The following NRXN3 variants were observed in gnomAD, a reference collection of about 807,000 sequenced individuals.
NRXN3 encodes the protein neurexin III.
Under a neutral mutation model 137.6 loss-of-function variants are expected in NRXN3, and 32 were observed. That is an observed-to-expected ratio of 0.23 (90% CI 0.18 to 0.31). The LOEUF (loss-of-function observed/expected upper bound fraction) is 0.31, where lower values mean the gene tolerates loss of function less well. NRXN3 is among the 10% of genes least tolerant of loss of function. The pLI, the probability that NRXN3 is intolerant of heterozygous loss-of-function variation, is 1.00. For missense variants in NRXN3, 1,574 were observed against 2,062.5 expected, an observed-to-expected ratio of 0.76 and a Z score of 4.59; for synonymous variants, 798 against 784.5, an observed-to-expected ratio of 1.02 and a Z score of -0.29.
In NRXN3 at chr14:79,356,987, C is replaced by A. The variant is rs149632499; in HGVS notation, c.3263-110234C>A. ...AAGTGATCTGCCCACCTCGTCCTCCCAAAGTGCTGGGATTAGAGACGTGAG... is the reference window on the plus strand; with the variant it reads ...AAGTGATCTGCCCACCTCGTCCTCCAAAAGTGCTGGGATTAGAGACGTGAG... On this transcript the variant is annotated intron_variant, in intron 15 of 20. Coordinates refer to ENST00000335750, the MANE Select transcript of NRXN3 (RefSeq NM_001330195.2). 9.4e-3 allele frequency among the ~76,000 whole-genome samples: 1,433 copies of A among 152,288 alleles called. 20 individuals are homozygous for A. The highest frequency in any genetic ancestry group is 0.033 in the African/African-American group (1,355 of 41,548).
At chr14:79,449,755 C>A (rs368015181) in intron 15 of NRXN3, among the ~76,000 whole-genome samples, 2 of 151,970 alleles carry the variant, frequency 1.3e-5, no homozygotes, top group African/African-American at 4.8e-5. Context: ...TCTGGGAGGC[C>A]GAGGCGGGCG....
intron 4 of NRXN3, among the ~76,000 whole-genome samples, chr14:78,570,638 A>C (rs1319896269): frequency 6.6e-6 from 1 of 152,186 alleles, no homozygotes; most frequent in Non-Finnish European, 1.5e-5. Context: ...ATCCTGGCAA[A>C]AGGAGACAGT....
At chr14:78,391,678 A>G (rs911126895) in intron 4 of NRXN3, among the ~76,000 whole-genome samples, 1 of 152,192 alleles carries the variant, frequency 6.6e-6, no homozygotes, top group African/African-American at 2.4e-5. Context: ...AAAAGTTGCT[A>G]ATATGTGCAC....
At chr14:78,926,664 A>G (rs1201323687) in intron 10 of NRXN3, among the ~76,000 whole-genome samples, 1 of 98,642 alleles carries the variant, frequency 1.0e-5, no homozygotes, top group African/African-American at 3.9e-5. Flanking sequence ...TATATTTATT[A>G]TATATATAAT....
intron 1 of NRXN3, among the ~76,000 whole-genome samples, chr14:78,206,745 G>A (rs918631749): frequency 6.6e-6 from 1 of 152,310 alleles, no homozygotes; most frequent in South Asian, 2.1e-4. Context: ...TGGCAGGGAT[G>A]TTGGAGATTA....
intron 15 of NRXN3, among the ~76,000 whole-genome samples, chr14:79,191,510 A>G (rs2064308776): frequency 6.6e-6 from 1 of 152,198 alleles, no homozygotes; most frequent in Non-Finnish European, 1.5e-5. Flanking sequence ...CTATGTTCCC[A>G]CTTACATTGG....
chr14:78,517,993 G>A (rs1008503897), intron 4 of NRXN3, among the ~76,000 whole-genome samples: 6 of 152,114 alleles, frequency 3.9e-5, no homozygotes, highest in African/African-American at 1.4e-4. Context: ...GGGAGGTTAA[G>A]TATGTCTTAG....
chr14:79,731,012 C>G (rs967847390), intron 19 of NRXN3, among the ~76,000 whole-genome samples: 1 of 152,156 alleles, frequency 6.6e-6, no homozygotes, highest in South Asian at 2.1e-4. Context: ...TGGAAAAAAC[C>G]TACAACTCAG....
At chr14:79,151,222 C>G (rs898409417) in intron 15 of NRXN3, among the ~76,000 whole-genome samples, 9 of 151,990 alleles carry the variant, frequency 5.9e-5, no homozygotes, top group South Asian at 2.1e-4. Flanking sequence ...TACCATTTTG[C>G]CTTTGGTGGG....
chr14:78,780,369 G>A (rs546264810), intron 8 of NRXN3, among the ~76,000 whole-genome samples: 7 of 151,900 alleles, frequency 4.6e-5, no homozygotes, highest in African/African-American at 1.7e-4. Flanking sequence ...GAAAATAATG[G>A]TGATTAGCTT....
intron 8 of NRXN3, among the ~76,000 whole-genome samples, chr14:78,724,777 A>C (rs1056921299): frequency 4.6e-5 from 7 of 152,188 alleles, no homozygotes; most frequent in Non-Finnish European, 1.0e-4. Context: ...GAGGGAGGAA[A>C]TGTGGAGGGA....
chr14:78,532,981 T>C (rs2096488896), intron 4 of NRXN3, among the ~76,000 whole-genome samples: 1 of 151,990 alleles, frequency 6.6e-6, no homozygotes, highest in Admixed American at 6.6e-5. Flanking sequence ...CCTCAACAGC[T>C]CTCAATTTCC....
intron 4 of NRXN3, among the ~76,000 whole-genome samples, chr14:78,354,364 A>G (rs1317883348): frequency 1.3e-5 from 2 of 152,172 alleles, no homozygotes; most frequent in Admixed American, 1.3e-4. Context: ...TGTGGTTGCC[A>G]CACTTCCTTT....
intron 10 of NRXN3, among the ~76,000 whole-genome samples, chr14:78,932,159 A>T (rs182655589): frequency 1.4e-3 from 214 of 152,172 alleles, no homozygotes; most frequent in African/African-American, 4.6e-3. Context: ...TAATTAATTA[A>T]TTAATTTTTT....
chr14:79,401,998 C>T (rs1403126790), intron 15 of NRXN3, among the ~76,000 whole-genome samples: 1 of 152,126 alleles, frequency 6.6e-6, no homozygotes, highest in Non-Finnish European at 1.5e-5. Context: ...CTCACTGAAG[C>T]TTCGAATTCC....
At chr14:78,282,952 A>C (rs1181139996) in intron 3 of NRXN3, 4 of 152,166 alleles carry the variant, frequency 2.6e-5, no homozygotes, top group Non-Finnish European at 5.9e-5. Flanking sequence ...TCTGCATTTT[A>C]TCAGGACCTC....
Position 79,341,208 on chromosome 14 carries a change from T to G in NRXN3, c.3263-126013T>G, listed in dbSNP as rs146452522. 6.8e-3 allele frequency among the ~76,000 whole-genome samples: 1,032 copies of G among 152,274 alleles called. 11 individuals carry two copies. Among genetic ancestry groups the G allele is most frequent in the African/African-American group, 0.024 (997 of 41,542 alleles). On this transcript the variant is annotated intron_variant, in intron 15 of 20. Transcript: ENST00000335750. ...CACACCTTGCACTATAACTACATTT[T>G]TAACATTTACAGGTAGGGCGGTGGA...
intron 15 of NRXN3, among the ~76,000 whole-genome samples, chr14:79,189,613 C>G (rs2064006434): frequency 6.6e-6 from 1 of 151,966 alleles, no homozygotes; most frequent in South Asian, 2.1e-4. Context: ...ACACAAAGTT[C>G]AAGTCGTCTA....
chr14:78,606,949 T>C (rs1053616767), intron 4 of NRXN3, among the ~76,000 whole-genome samples: 10 of 152,218 alleles, frequency 6.6e-5, no homozygotes, highest in African/African-American at 2.4e-4. Context: ...ACATTTTCCT[T>C]AAGCTTTCAT....
Sources: gnomAD v4.1 joint callset for allele counts (sites outside exome capture counted in the v4.1 genomes callset) on GRCh38, gnomAD v4.1.1 for gene constraint, MANE v1.5 for transcripts, NCBI Gene and HGNC (gene_info 2026-07-23, HGNC 2026-07-21) for gene names.